TMEM240: variants seen among roughly 807,000 people sequenced by gnomAD.
The protein encoded by TMEM240 is transmembrane protein 240, also known as transmembrane protein C1orf70.
Under a neutral mutation model 19.5 loss-of-function variants are expected in TMEM240, and 3 were observed. The observed-to-expected ratio is 0.15, with a 90% CI of 0.07 to 0.40. TMEM240 has a LOEUF of 0.40. Ranked by LOEUF, TMEM240 falls within the 10% of genes least tolerant of loss-of-function variation. TMEM240 has a pLI of 1.00. For missense variants in TMEM240, 210 were observed against 253.5 expected (o/e 0.83, Z 1.17); for synonymous variants, 123 against 109.3 (o/e 1.13, Z -0.78).
At position 1,540,424 on chromosome 1, in the gene TMEM240, C is replaced by T. The variant is rs1375529514; in HGVS notation, c.-78G>A. ...CGGCCCCGGCCCGATGCTGAGCCCC[C>T]GCCGCCTCCGCAGAGGTCAGCGCTT... is the stretch of plus-strand genomic sequence containing the variant. On this transcript the variant is annotated 5_prime_UTR_variant, in exon 1 of 4. Transcript: ENST00000378733. 4.1e-6 allele frequency: 2 copies of T among 493,664 alleles called. No homozygotes were observed. The highest frequency in any genetic ancestry group is 9.6e-5 in the East Asian group (1 of 10,404). 30.6% of individuals were successfully genotyped at this position (493,664 alleles called of 1,614,324 possible).
rs1642206715 is a variant in TMEM240 at position 1,535,704 on chromosome 1, C to T, written c.258G>A (p.Gln86=). ...GCAGCCCCAGCATGAGGTCGATCTC[C>T]TGCTTGGTCACACTGTCCGTCACAA... ...NYFVTDSVTK[Q]EIDLMLGLLL... Residue 86 remains glutamine (Q), a synonymous_variant, in exon 3 of 4, where the codon CAG becomes CAA. Coordinates refer to ENST00000378733, the MANE Select transcript of TMEM240 (RefSeq NM_001114748.2). The surrounding 1 kb of genome is among the most constrained non-coding windows in gnomAD (Gnocchi z 8.2). 2.6e-6 allele frequency: 4 copies of T among 1,550,364 alleles called. No homozygotes were observed. The highest frequency in any genetic ancestry group is 2.4e-5 in the South Asian group (2 of 84,068).
chr1:1,539,951 T>G (rs1307088638), intron 1 of TMEM240, among the ~76,000 whole-genome samples, 161 bp from the exon 2 acceptor site: 1 of 29,858 alleles, frequency 3.3e-5, no homozygotes, highest in Admixed American at 5.0e-4. Flanking sequence ...GCAGCGGGTA[T>G]GGGGATCGCA....
chr1:1,539,865 CG>C (rs1642273745), intron 1 of TMEM240, 75 bp from the exon 2 acceptor site: 1 of 449,374 alleles, frequency 2.2e-6, no homozygotes. Flanking sequence ...GAGCGCAGGC[CG>C]GGGTCGGGGC....
chr1:1,535,932 GCGGGTC>G lies in TMEM240; in HGVS notation c.165-141_165-136del. 5 of 622,636 alleles carry G rather than the reference GCGGGTC, an allele frequency of 8.0e-6. No homozygotes were observed. Among genetic ancestry groups the G allele is most frequent in the East Asian group, 3.0e-5 (1 of 32,898 alleles). The allele number at this position is 622,636 out of a possible 1,614,324, so 38.6% of individuals were successfully genotyped here. A position where few individuals can be genotyped will look rare whatever the true frequency, so the allele number is the denominator to read the frequency against. ...TTCTCTGAAGCAGCCTCTTGGGCGG[GCGGGTC>G]GGGAAGGGGGCACCAGACTCAACGA... On this transcript the variant is annotated intron_variant, in intron 2 of 3. Transcript: ENST00000378733. This position sits in a 1 kb window ranked among gnomAD's most constrained non-coding sequence, Gnocchi z 8.2.
chr1:1,538,377 C>T (rs573019768), intron 2 of TMEM240, among the ~76,000 whole-genome samples: 2 of 152,354 alleles, frequency 1.3e-5, no homozygotes, highest in Admixed American at 6.5e-5. Context: ...CGGCATGAGC[C>T]GCCCTACATG....
At position 1,540,249 on chromosome 1, in the gene TMEM240, G is replaced by T. The variant is rs771863941; in HGVS notation, c.57+41C>A. Reference sequence around the variant, plus strand: ...GAGGTGGGCCAGGCGGCGCGCGCGGGCGGGGAGCAGGGGGCGCGCGCGGGA... The same window carrying T: ...GAGGTGGGCCAGGCGGCGCGCGCGGTCGGGGAGCAGGGGGCGCGCGCGGGA... On this transcript the variant is annotated intron_variant, in intron 1 of 3. Transcript: ENST00000378733. The T allele has an allele frequency of 1.0e-3, 1,315 of 1,281,264 alleles. 46 individuals are homozygous for T. In the East Asian group the frequency reaches 0.042, roughly 40 times the overall value. 79.4% of individuals were successfully genotyped at this position (1,281,264 alleles called of 1,614,324 possible).
intron 1 of TMEM240, among the ~76,000 whole-genome samples, 162 bp from the exon 2 acceptor site, chr1:1,539,952 G>A (rs1255243347): frequency 7.9e-6 from 1 of 126,986 alleles, no homozygotes; most frequent in Non-Finnish European, 1.7e-5. Flanking sequence ...CAGCGGGTAT[G>A]GGGATCGCAG....
In TMEM240 at chr1:1,536,529, C is replaced by G. The variant is rs1444469080; in HGVS notation, c.165-732G>C. 6.6e-6 allele frequency among the ~76,000 whole-genome samples: 1 copy of G among 152,298 alleles called. No individual in the cohort carries two copies. Among genetic ancestry groups the G allele is most frequent in the Middle Eastern group, 3.4e-3 (1 of 294 alleles). On this transcript the variant is annotated intron_variant, in intron 2 of 3. Transcript: ENST00000378733. This position sits in a 1 kb window ranked among gnomAD's most constrained non-coding sequence, Gnocchi z 5.4. Reference sequence around the variant, plus strand: ...GGCCCTTTCGTCCTCAGTGCCTGCGCGCCTCCATGTCCCTCGGCCTCCCCT... The same window carrying G: ...GGCCCTTTCGTCCTCAGTGCCTGCGGGCCTCCATGTCCCTCGGCCTCCCCT...
In TMEM240 at chr1:1,539,872, G is replaced by C. The variant is rs1557491068; in HGVS notation, c.58-82C>G. 20 of 1,212,718 alleles carry C rather than the reference G, an allele frequency of 1.6e-5. No individual in the cohort carries two copies. In the South Asian group the frequency reaches 2.5e-4, roughly 15 times the overall value. The allele number at this position is 1,212,718 out of a possible 1,614,324, so 75.1% of individuals were successfully genotyped here. A position where few individuals can be genotyped will look rare whatever the true frequency, so the allele number is the denominator to read the frequency against. ...GGGGTGGGGAGCGCAGGCCGGGGTC[G>C]GGGCAGCGCAAGCGGGGAGCGAGAG... On this transcript the variant is annotated intron_variant, in intron 1 of 3. Coordinates refer to ENST00000378733, the MANE Select transcript of TMEM240 (RefSeq NM_001114748.2).
chr1:1,537,898 C>T (rs1642247272), intron 2 of TMEM240, among the ~76,000 whole-genome samples: 1 of 152,238 alleles, frequency 6.6e-6, no homozygotes, highest in South Asian at 2.1e-4. Flanking sequence ...ACGCTGCCTG[C>T]CAACAGACTT....
rs1642194160 is a variant in TMEM240 at position 1,535,248 on chromosome 1, C to A, written c.*111G>T. On this transcript the variant is annotated 3_prime_UTR_variant, in exon 4 of 4. Coordinates refer to ENST00000378733, the MANE Select transcript of TMEM240 (RefSeq NM_001114748.2). This position sits in a 1 kb window ranked among gnomAD's most constrained non-coding sequence, Gnocchi z 8.2. ...CCCGGCCGGCCACAGCCCCGGACAA[C>A]CTGGGCCCAGGGCTGCTGTCCAGTC... The A allele has an allele frequency of 1.5e-6, 2 of 1,312,940 alleles. No homozygotes were observed. Among genetic ancestry groups the A allele is most frequent in the Non-Finnish European group, 2.1e-6 (2 of 972,932 alleles). The allele number at this position is 1,312,940 out of a possible 1,614,324, so 81.3% of individuals were successfully genotyped here.
Position 1,535,409 on chromosome 1 carries a change from C to G in TMEM240, c.472G>C (p.Val158Leu). Residue 158 changes from valine to leucine, a missense_variant, in exon 4 of 4, where the codon GTG becomes CTG. Transcript: ENST00000378733. This position sits in a 1 kb window ranked among gnomAD's most constrained non-coding sequence, Gnocchi z 8.2. ...FEEAAGNMVHVKQKLYHNGHP... is the reference protein window; with the variant it reads ...FEEAAGNMVHLKQKLYHNGHP... ...CCATTGTGGTAGAGTTTCTGCTTCACGTGTACCATGTTCCCGGCGGCCTCC... is the reference window on the plus strand; with the variant it reads ...CCATTGTGGTAGAGTTTCTGCTTCAGGTGTACCATGTTCCCGGCGGCCTCC... The G allele has an allele frequency of 6.5e-7, 1 of 1,549,800 alleles. No individual in the cohort carries two copies. Among genetic ancestry groups the G allele is most frequent in the Non-Finnish European group, 8.7e-7 (1 of 1,146,538 alleles).
intron 2 of TMEM240, among the ~76,000 whole-genome samples, chr1:1,538,836 G>A (rs958468464): frequency 6.6e-6 from 1 of 152,218 alleles, no homozygotes; most frequent in Admixed American, 6.5e-5. Flanking sequence ...CAGCAGAGAT[G>A]ACGAACACGG....
chr1:1,536,237 C>T lies in TMEM240; in HGVS notation c.165-440G>A, dbSNP rs1025451367. 3.9e-5 allele frequency among the ~76,000 whole-genome samples: 6 copies of T among 152,250 alleles called. No homozygotes were observed. Among genetic ancestry groups the T allele is most frequent in the Non-Finnish European group, 7.4e-5 (5 of 67,984 alleles). Reference sequence around the variant, plus strand: ...AGGCCACTTGGAGCAGAGCTGGACACAGGGAGCCCTGCTGGCCCCAGACCA... The same window carrying T: ...AGGCCACTTGGAGCAGAGCTGGACATAGGGAGCCCTGCTGGCCCCAGACCA... On this transcript the variant is annotated intron_variant, in intron 2 of 3. Transcript: ENST00000378733. This position sits in a 1 kb window ranked among gnomAD's most constrained non-coding sequence, Gnocchi z 5.4.
Position 1,540,587 on chromosome 1 carries a change from CG to C in TMEM240, c.-242del, listed in dbSNP as rs1642293546. 1 of 161,840 alleles carries C rather than the reference CG, an allele frequency of 6.2e-6. No individual in the cohort carries two copies. The allele number at this position is 161,840 out of a possible 1,614,324, so 10.0% of individuals were successfully genotyped here. ...GGCCCGCCGCGCTCCGCTCCGCCCTCGGGTCCTCCCTGCGATGCGCTCGGCT... is the reference window on the plus strand; with the variant it reads ...GGCCCGCCGCGCTCCGCTCCGCCCTCGGTCCTCCCTGCGATGCGCTCGGCT... On this transcript the variant is annotated 5_prime_UTR_variant, in exon 1 of 4. Coordinates refer to ENST00000378733, the MANE Select transcript of TMEM240 (RefSeq NM_001114748.2).
Position 1,540,562 on chromosome 1 carries a change from G to A in TMEM240, c.-216C>T. On this transcript the variant is annotated 5_prime_UTR_variant, in exon 1 of 4. Coordinates refer to ENST00000378733, the MANE Select transcript of TMEM240 (RefSeq NM_001114748.2). ...GGGCCTTTCTGGGGTCTCTCGGCCC[G>A]GCCCGCCGCGCTCCGCTCCGCCCTC... The A allele has an allele frequency of 6.1e-6, 1 of 164,186 alleles. No individual in the cohort carries two copies. Among genetic ancestry groups the A allele is most frequent in the Non-Finnish European group, 1.3e-5 (1 of 77,380 alleles). 10.2% of individuals were successfully genotyped at this position (164,186 alleles called of 1,614,324 possible).
In TMEM240 at chr1:1,540,338, CATG is replaced by C; in HGVS notation, c.6_8del (p.Met3del). On this transcript the variant is annotated inframe_deletion, in exon 1 of 4. Transcript: ENST00000378733. The stretch of plus-strand genomic sequence containing the variant: ...TCATGAAGATCATGGTGTTCGCGCT[CATG>C]GACATCGGGCGGGGCCGGGCCGGGC... 1 of 1,269,280 alleles carries C rather than the reference CATG, an allele frequency of 7.9e-7. No homozygotes were observed. Among genetic ancestry groups the C allele is most frequent in the African/African-American group, 1.6e-5 (1 of 63,428 alleles). The allele number at this position is 1,269,280 out of a possible 1,614,324, so 78.6% of individuals were successfully genotyped here.
rs1570369869 is a variant in TMEM240, at chr1:1,535,906, G to C, written c.165-109C>G. 2 of 464,398 alleles carry C rather than the reference G, an allele frequency of 4.3e-6. No individual in the cohort carries two copies. Among genetic ancestry groups the C allele is most frequent in the Non-Finnish European group, 8.2e-6 (2 of 244,970 alleles). The allele number at this position is 464,398 out of a possible 1,614,324, so 28.8% of individuals were successfully genotyped here. On this transcript the variant is annotated intron_variant, in intron 2 of 3. Transcript: ENST00000378733. The surrounding 1 kb of genome is among the most constrained non-coding windows in gnomAD (Gnocchi z 8.2). Reference sequence around the variant, plus strand: ...GTGACCGCGTCAGGCCGCCCTGGGGGTTCTCTGAAGCAGCCTCTTGGGCGG... The same window carrying C: ...GTGACCGCGTCAGGCCGCCCTGGGGCTTCTCTGAAGCAGCCTCTTGGGCGG...
intron 2 of TMEM240, chr1:1,539,479 G>T: frequency 1.7e-6 from 1 of 583,732 alleles, no homozygotes; most frequent in Admixed American, 3.0e-5. Context: ...CACCCTGGAG[G>T]CCTCTAGGAA....
Sources: allele counts gnomAD v4.1 joint callset (sites outside exome capture counted in the v4.1 genomes callset), GRCh38; gene constraint gnomAD v4.1.1; non-coding constraint Gnocchi (gnomAD v3.1); transcripts MANE v1.5; gene names NCBI Gene and HGNC (gene_info 2026-07-23, HGNC 2026-07-21).